STARD13: variants seen among roughly 807,000 people sequenced by gnomAD.
The protein encoded by STARD13 is stAR-related lipid transfer protein 13.
A neutral mutation model predicts 106.4 loss-of-function variants in STARD13; 62 were observed. The observed-to-expected ratio is 0.58, with a 90% CI of 0.48 to 0.72. The LOEUF (loss-of-function observed/expected upper bound fraction) is 0.72. Ranked by LOEUF, STARD13 falls within the 30% of genes least tolerant of loss-of-function variation. The pLI is 0.00. For missense variants in STARD13, 1,387 were observed against 1,424.0 expected (o/e 0.97, Z 0.42); for synonymous variants, 565 against 553.0 (o/e 1.02, Z -0.31).
chr13:33,231,792 A>C (rs1239950011), intron 1 of STARD13, among the ~76,000 whole-genome samples: 1 of 152,068 alleles, frequency 6.6e-6, no homozygotes, highest in Non-Finnish European at 1.5e-5. Flanking sequence ...GTTTACCTGA[A>C]ACTTTAAAGA....
At chr13:33,250,639 T>TAA (rs2138283616) in intron 1 of STARD13, among the ~76,000 whole-genome samples, 1 of 152,364 alleles carries the variant, frequency 6.6e-6, no homozygotes, top group African/African-American at 2.4e-5. Flanking sequence ...TGTATTTATA[T>TAA]AATATGAAAT....
chr13:33,526,877 A>G, the STARD13 span, among the ~76,000 whole-genome samples: 1 of 152,124 alleles, frequency 6.6e-6, no homozygotes, highest in Non-Finnish European at 1.5e-5. Flanking sequence ...GGAAGACAAT[A>G]CTTCCTGTGT....
chr13:33,365,056 T>TA, the STARD13 span, among the ~76,000 whole-genome samples: 7 of 150,156 alleles, frequency 4.7e-5, no homozygotes, highest in East Asian at 2.0e-4. Flanking sequence ...CTGCAAGAGG[T>TA]AAAAAACTCT....
chr13:33,530,163 T>A, the STARD13 span, among the ~76,000 whole-genome samples: 1 of 152,150 alleles, frequency 6.6e-6, no homozygotes, highest in South Asian at 2.1e-4. Context: ...TTATTTTTAT[T>A]GTGAAATAAA....
chr13:33,269,620 T>A (rs542266063), intron 1 of STARD13, among the ~76,000 whole-genome samples: 1 of 152,328 alleles, frequency 6.6e-6, no homozygotes, highest in African/African-American at 2.4e-5. Context: ...AGCTATGACT[T>A]ATGACACTTG....
the STARD13 span, among the ~76,000 whole-genome samples, chr13:33,539,673 G>GA: frequency 1.3e-5 from 2 of 152,138 alleles, no homozygotes. Context: ...TTTCTATTTT[G>GA]AAAAATATGA....
At chr13:33,528,257 C>CATATATATATATATATATGTAT in the STARD13 span, among the ~76,000 whole-genome samples, 4 of 92,900 alleles carry the variant, frequency 4.3e-5, no homozygotes, top group Admixed American at 2.2e-4. Context: ...TATATATATA[C>CATATATATATATATATATGTAT]ATATATATAT....
At chr13:33,133,770 C>G (rs1226957153) in intron 4 of STARD13, among the ~76,000 whole-genome samples, 1 of 151,922 alleles carries the variant, frequency 6.6e-6, no homozygotes, top group Non-Finnish European at 1.5e-5. Flanking sequence ...CCACCAAATT[C>G]ACTTGACAAC....
intron 1 of STARD13, among the ~76,000 whole-genome samples, chr13:33,305,558 G>T (rs1028034667): frequency 6.6e-6 from 1 of 152,218 alleles, no homozygotes; most frequent in Non-Finnish European, 1.5e-5. Flanking sequence ...CCTGCATGGA[G>T]TAGACAAGAA....
At chr13:33,528,241 TAC>T in the STARD13 span, among the ~76,000 whole-genome samples, 23 of 130,490 alleles carry the variant, frequency 1.8e-4, no homozygotes, top group Admixed American at 4.5e-4. Context: ...TATATATATA[TAC>T]ATATATATAT....
At chr13:33,621,492 A>G in the STARD13 span, among the ~76,000 whole-genome samples, 1 of 151,998 alleles carries the variant, frequency 6.6e-6, no homozygotes, top group Non-Finnish European at 1.5e-5. Flanking sequence ...CCTGGCTAAC[A>G]TGGTGAAACC....
At chr13:33,612,765 G>A in the STARD13 span, among the ~76,000 whole-genome samples, 7 of 152,286 alleles carry the variant, frequency 4.6e-5, no homozygotes, top group African/African-American at 1.7e-4. Context: ...AGTTTAATGT[G>A]TTGCAGAAAA....
rs1884928201 is a variant in STARD13 at position 33,178,477 on chromosome 13, G to T, written c.170-10855C>A. On this transcript the variant is annotated intron_variant, in intron 1 of 13. Coordinates refer to ENST00000336934, the MANE Select transcript of STARD13 (RefSeq NM_178006.4). ...ATTTCTCATGTTATTTCACATTCTG[G>T]ATTAAGACACATCTCATATGGTTTT... 2.0e-5 allele frequency among the ~76,000 whole-genome samples: 3 copies of T among 152,054 alleles called. 1 individual carries two copies. The highest frequency in any genetic ancestry group is 2.9e-5 in the Non-Finnish European group (2 of 68,000).
chr13:33,606,128 C>A, the STARD13 span, among the ~76,000 whole-genome samples: 2 of 152,022 alleles, frequency 1.3e-5, no homozygotes, highest in Admixed American at 1.3e-4. Flanking sequence ...GGTGAAACCC[C>A]ATCTCTACTA....
chr13:33,450,809 C>T, the STARD13 span, among the ~76,000 whole-genome samples: 26 of 152,198 alleles, frequency 1.7e-4, no homozygotes, highest in Non-Finnish European at 3.1e-4. Context: ...GGAGAGGAAA[C>T]AACATGTACA....
At chr13:33,239,419 C>T (rs908118440) in intron 1 of STARD13, among the ~76,000 whole-genome samples, 2 of 152,092 alleles carry the variant, frequency 1.3e-5, no homozygotes, top group African/African-American at 2.4e-5. Flanking sequence ...GATTATATGA[C>T]AATTCTATTT....
chr13:33,183,031 C>G (rs1885397053), intron 1 of STARD13, among the ~76,000 whole-genome samples: 1 of 152,214 alleles, frequency 6.6e-6, no homozygotes, highest in Non-Finnish European at 1.5e-5. Flanking sequence ...CTGTCACATT[C>G]CTCTCCCTAT....
the STARD13 span, among the ~76,000 whole-genome samples, chr13:33,434,698 C>G: frequency 6.6e-6 from 1 of 152,132 alleles, no homozygotes; most frequent in African/African-American, 2.4e-5. Flanking sequence ...CGAGATCTTC[C>G]TGCTGCATAT....
the STARD13 span, among the ~76,000 whole-genome samples, chr13:33,488,952 C>A: frequency 3.3e-5 from 5 of 152,228 alleles, no homozygotes; most frequent in Non-Finnish European, 7.3e-5. Context: ...GGTTAACCCT[C>A]AAGTCCCTCA....
Sources: allele counts gnomAD v4.1 joint callset (sites outside exome capture counted in the v4.1 genomes callset), GRCh38; gene constraint gnomAD v4.1.1; transcripts MANE v1.5; gene names NCBI Gene and HGNC (gene_info 2026-07-23, HGNC 2026-07-21).